Variants in CHD6 observed in about 807,000 individuals in gnomAD.
CHD6 encodes ATP-dependent chromatin remodeler CHD6.
In CHD6, 50 loss-of-function variants were observed where a neutral mutation model predicts 276.9. That is an observed-to-expected ratio of 0.18 (90% CI 0.14 to 0.23). The LOEUF (loss-of-function observed/expected upper bound fraction) is 0.23. Among genes scored for constraint, CHD6 ranks in the 10% least tolerant of loss-of-function variants. CHD6 has a pLI of 1.00. For synonymous variants in CHD6, 1,173 were observed against 1,229.3 expected (o/e 0.95, Z 0.96); for missense variants, 2,564 against 3,365.8 (o/e 0.76, Z 5.89).
At chr20:41,548,829 A>G (rs6124359) in intron 2 of CHD6, among the ~76,000 whole-genome samples, 58,318 of 151,864 alleles carry the variant, frequency 0.38, 13,935 homozygotes, top group African/African-American at 0.66. Context: ...AAAAGTAGGC[A>G]AAGGATATGA....
intron 1 of CHD6, among the ~76,000 whole-genome samples, chr20:41,611,935 G>A (rs2045891500): frequency 6.6e-6 from 1 of 152,122 alleles, no homozygotes; most frequent in Non-Finnish European, 1.5e-5. Context: ...ACCGCACCTG[G>A]CAAAACTTGC....
rs1302052740 is a variant in CHD6 at position 41,404,886 on chromosome 20, G to C, written c.7855C>G (p.Pro2619Ala). 1 of 1,614,124 alleles carries C rather than the reference G, an allele frequency of 6.2e-7. No individual in the cohort carries two copies. The highest frequency in any genetic ancestry group is 1.7e-5 in the Admixed American group (1 of 60,028). The part of the protein sequence containing the change: ...FNPFLIPGVS[P>A]GLIYPSMFLS... ...AACATGGATGGGTAAATGAGTCCAGGAGATACTCCTGGGATGAGAAATGGG... is the reference window on the plus strand; with the variant it reads ...AACATGGATGGGTAAATGAGTCCAGCAGATACTCCTGGGATGAGAAATGGG... The change falls in exon 37 of 37, where the codon CCT (proline) becomes GCT (alanine). Residue 2619 changes from proline (P) to alanine (A), a missense_variant. Physicochemically the swap from Pro to Ala is conservative, Grantham distance 27. This residue lies in a region of CHD6 where 238 missense variants were observed against 266.0 expected (regional missense o/e 0.89). Coordinates refer to ENST00000373233, the MANE Select transcript of CHD6 (RefSeq NM_032221.5).
At chr20:41,582,335 A>T (rs1033469686) in intron 1 of CHD6, among the ~76,000 whole-genome samples, 7 of 152,202 alleles carry the variant, frequency 4.6e-5, no homozygotes, top group Admixed American at 1.3e-4. Context: ...GGCAATTCCA[A>T]GGGGAAATTC....
chr20:41,599,141 T>C (rs2045748267), intron 1 of CHD6, among the ~76,000 whole-genome samples: 1 of 152,218 alleles, frequency 6.6e-6, no homozygotes, highest in Non-Finnish European at 1.5e-5. Context: ...TTGTCAATTA[T>C]ACTAGGGATG....
rs58696183 is a variant in CHD6 at position 41,419,554 on chromosome 20, CAAAAAAAAAAAAAAAAAAAAAAAA to C, written c.6127+930_6127+953del. Among the ~76,000 whole-genome samples the C allele has an allele frequency of 1.7e-4, 4 of 23,442 alleles. No homozygotes were observed. The East Asian group carries it at 6.5e-3, about 38-fold the overall frequency. 15.4% of individuals were successfully genotyped at this position (23,442 alleles called of 152,430 possible). A position where few individuals can be genotyped will look rare whatever the true frequency, so the allele number is the denominator to read the frequency against. Reference sequence around the variant, plus strand: ...TGGGTGACAGAGCAAGACTCTGTCTCAAAAAAAAAAAAAAAAAAAAAAAAAAAAAAAAAAAAAGGCTAGATAACT... The same window carrying C: ...TGGGTGACAGAGCAAGACTCTGTCTCAAAAAAAAAAAAAGGCTAGATAACT... On this transcript the variant is annotated intron_variant, in intron 31 of 36. Transcript: ENST00000373233.
At chr20:41,412,695 C>T (rs905226427) in intron 35 of CHD6, among the ~76,000 whole-genome samples, 2 of 152,130 alleles carry the variant, frequency 1.3e-5, no homozygotes, top group African/African-American at 4.8e-5. Flanking sequence ...ATTAGTTAGG[C>T]GCACCCAGGA....
intron 1 of CHD6, among the ~76,000 whole-genome samples, chr20:41,560,553 T>C (rs6102467): frequency 0.4 from 60,154 of 152,010 alleles, 15,151 homozygotes; most frequent in African/African-American, 0.7. Flanking sequence ...TGCATGCCAT[T>C]AGCTGTGGAG....
intron 1 of CHD6, among the ~76,000 whole-genome samples, chr20:41,595,207 C>T (rs916213991): frequency 3.9e-5 from 6 of 152,114 alleles, no homozygotes; most frequent in African/African-American, 1.4e-4. Context: ...TGTGGCGACC[C>T]AGTAACTGTG....
rs1198847250 is a variant in CHD6, at chr20:41,577,548, C to T, written c.-23-26188G>A. Among the ~76,000 whole-genome samples, 4 of 152,152 alleles carry T rather than the reference C, an allele frequency of 2.6e-5. No homozygotes were observed. The East Asian group carries it at 7.7e-4, about 29-fold the overall frequency. On this transcript the variant is annotated intron_variant, in intron 1 of 36. Coordinates refer to ENST00000373233, the MANE Select transcript of CHD6 (RefSeq NM_032221.5). ...AGGTTATACATTAAGAAGGACTTTC[C>T]AAAGGGAAAGCGCTAAACATTTGCT...
rs752017881 is a variant in CHD6 at position 41,533,226 on chromosome 20, C to G, written c.378G>C (p.Glu126Asp). Residue 126 changes from glutamate to aspartate, a missense_variant, in exon 3 of 37, where the codon GAG becomes GAC. Glu to Asp is a conservative substitution (Grantham distance 45, BLOSUM62 2). Transcript: ENST00000373233. Reference protein sequence around the residue: ...PKPKRKREPKEPKEPRKAKEP... With the variant: ...PKPKRKREPKDPKEPRKAKEP... The stretch of plus-strand genomic sequence containing the variant: ...CCTTGGCCTTTCTGGGTTCCTTTGG[C>G]TCTTTCGGTTCTCGTTTCCTCTTTG... 1.9e-6 allele frequency: 3 copies of G among 1,613,544 alleles called. No individual in the cohort carries two copies. The highest frequency in any genetic ancestry group is 2.5e-6 in the Non-Finnish European group (3 of 1,179,988).
rs11483105 is a variant in CHD6, at chr20:41,451,144, A to AG, written c.3524-40dup. The AG allele has an allele frequency of 3.0e-3, 4,809 of 1,588,976 alleles. 113 individuals carry two copies. The African/African-American group carries it at 0.056, about 18-fold the overall frequency. On this transcript the variant is annotated intron_variant, in intron 22 of 36. Transcript: ENST00000373233. Reference sequence around the variant, plus strand: ...ACAGCATAGGGCAAGTGGATAGCCAAGGGGGGTGTTACACACGGGTTTTAG... The same window carrying AG: ...ACAGCATAGGGCAAGTGGATAGCCAAGGGGGGGTGTTACACACGGGTTTTAG...
intron 1 of CHD6, among the ~76,000 whole-genome samples, chr20:41,604,669 G>C (rs1261152079): frequency 6.6e-6 from 1 of 152,160 alleles, no homozygotes; most frequent in Non-Finnish European, 1.5e-5. Context: ...GTCTGCACTG[G>C]ATGTGAGGTT....
At chr20:41,418,356 A>G (rs559143864) in intron 31 of CHD6, among the ~76,000 whole-genome samples, 1 of 152,278 alleles carries the variant, frequency 6.6e-6, no homozygotes, top group African/African-American at 2.4e-5. Context: ...GTTGTTAGAG[A>G]GTCTCTCGGA....
chr20:41,590,649 A>C (rs925054934), intron 1 of CHD6, among the ~76,000 whole-genome samples: 20 of 152,346 alleles, frequency 1.3e-4, no homozygotes, highest in Admixed American at 1.3e-3. Context: ...GCAAATCAAA[A>C]CCACAATGAG....
At chr20:41,589,806 T>C (rs1376541790) in intron 1 of CHD6, among the ~76,000 whole-genome samples, 1 of 152,248 alleles carries the variant, frequency 6.6e-6, no homozygotes, top group Non-Finnish European at 1.5e-5. Flanking sequence ...AGGTAATTTA[T>C]AGCTTCAATG....
chr20:41,429,074 T>A (rs1431780915), intron 27 of CHD6, among the ~76,000 whole-genome samples: 1 of 152,188 alleles, frequency 6.6e-6, no homozygotes, highest in Non-Finnish European at 1.5e-5. Context: ...TGTACTGACC[T>A]CATGGTTTAG....
At chr20:41,517,343 C>T (rs954662918) in intron 3 of CHD6, among the ~76,000 whole-genome samples, 1 of 151,974 alleles carries the variant, frequency 6.6e-6, no homozygotes, top group African/African-American at 2.4e-5. Context: ...GGCTTAATAC[C>T]TGGGGGATGA....
intron 26 of CHD6, among the ~76,000 whole-genome samples, chr20:41,439,327 G>A (rs1317639444): frequency 1.3e-5 from 2 of 151,730 alleles, no homozygotes; most frequent in Non-Finnish European, 2.9e-5. Flanking sequence ...CTGCACTCCT[G>A]CCTGGGTGAC....
intron 16 of CHD6, among the ~76,000 whole-genome samples, chr20:41,481,202 T>C (rs1398116455): frequency 6.6e-6 from 1 of 151,776 alleles, no homozygotes; most frequent in Non-Finnish European, 1.5e-5. Context: ...GCACATTAAT[T>C]TAAGCTTAAG....
Sources: gnomAD v4.1 joint callset for allele counts (sites outside exome capture counted in the v4.1 genomes callset) on GRCh38, gnomAD v4.1.1 for gene constraint, gnomAD v4.1.1 regional missense constraint, MANE v1.5 for transcripts, NCBI Gene and HGNC (gene_info 2026-07-23, HGNC 2026-07-21) for gene names.